The following RAG1 variants were observed in gnomAD, a reference collection of about 807,000 sequenced individuals.
RAG1 encodes V(D)J recombination-activating protein 1.
In RAG1, 35 loss-of-function variants were observed where a neutral mutation model predicts 62.7. The ratio of observed to expected loss-of-function variants is 0.56; its 90% confidence interval spans 0.43 to 0.74. The LOEUF (loss-of-function observed/expected upper bound fraction) is 0.74, where lower values mean the gene tolerates loss of function less well. Among genes scored for constraint, RAG1 ranks in the 30% least tolerant of loss-of-function variants. The probability of loss-of-function intolerance (pLI) is 0.00; values close to 1 mark genes in which losing one functional copy is unlikely to be tolerated. For synonymous variants in RAG1, 461 were observed against 470.3 expected (o/e 0.98, Z 0.26); for missense variants, 1,169 against 1,278.6 (o/e 0.91, Z 1.31).
At chr11:36,558,062 A>C (rs566028428) in intron 3 of RAG1, among the ~76,000 whole-genome samples, 1 of 152,308 alleles carries the variant, frequency 6.6e-6, no homozygotes, top group African/African-American at 2.4e-5. Flanking sequence ...TCTTTCAATA[A>C]CATTTTAAAT....
At chr11:36,542,994 G>A (rs183154897) in intron 3 of RAG1, among the ~76,000 whole-genome samples, 22 of 152,300 alleles carry the variant, frequency 1.4e-4, no homozygotes, top group East Asian at 1.9e-4. Flanking sequence ...TCAAAGGCAG[G>A]AAAAATTAAT....
At chr11:36,570,842 A>T (rs139477887) in intron 1 of RAG1, among the ~76,000 whole-genome samples, 1 of 152,172 alleles carries the variant, frequency 6.6e-6, no homozygotes, top group Non-Finnish European at 1.5e-5. Flanking sequence ...GTCTATTCAG[A>T]TATTTTACCT....
intron 3 of RAG1, among the ~76,000 whole-genome samples, chr11:36,543,936 A>G (rs1312681403): frequency 6.6e-6 from 1 of 152,240 alleles, no homozygotes; most frequent in Non-Finnish European, 1.5e-5. Context: ...ATGTTTTCCA[A>G]TTTAATAGAC....
intron 2 of RAG1, among the ~76,000 whole-genome samples, chr11:36,530,837 T>C (rs1860242383): frequency 6.6e-6 from 1 of 151,984 alleles, no homozygotes; most frequent in Non-Finnish European, 1.5e-5. Context: ...TTGTTGATGG[T>C]GTTGTTGAGT....
intron 3 of RAG1, among the ~76,000 whole-genome samples, chr11:36,547,140 GA>G (rs1850405947): frequency 6.6e-6 from 1 of 152,044 alleles, no homozygotes; most frequent in African/African-American, 2.4e-5. Flanking sequence ...TGTTTAGAGA[GA>G]AATTTATAAC....
At chr11:36,536,102 A>G (rs1356964449), downstream of RAG1, 1 of 152,206 alleles carries the variant, frequency 6.6e-6, no homozygotes, top group Non-Finnish European at 1.5e-5. Flanking sequence ...ATTTGTAGTA[A>G]GAAATATAAA....
intron 3 of RAG1, among the ~76,000 whole-genome samples, chr11:36,560,387 T>C (rs951068528): frequency 6.6e-6 from 1 of 152,132 alleles, no homozygotes; most frequent in African/African-American, 2.4e-5. Flanking sequence ...CAGGGCACTG[T>C]GTGGGCTTAG....
At chr11:36,560,097 T>C (rs1850559972) in intron 3 of RAG1, among the ~76,000 whole-genome samples, 1 of 152,074 alleles carries the variant, frequency 6.6e-6, no homozygotes, top group Non-Finnish European at 1.5e-5. Context: ...GCTGCAGTAG[T>C]GTAGTATCAA....
intron 3 of RAG1, among the ~76,000 whole-genome samples, chr11:36,541,736 G>C (rs555995135): frequency 6.6e-6 from 1 of 152,132 alleles, no homozygotes; most frequent in Non-Finnish European, 1.5e-5. Context: ...ATATAAAAGC[G>C]TGCTAGCCTG....
In RAG1 at chr11:36,579,652, A is replaced by G. The variant is rs190801060; in HGVS notation, c.*3216A>G. On this transcript the variant is annotated 3_prime_UTR_variant, in exon 2 of 2. Transcript: ENST00000299440. ...TGTCAAATGTTTTCAAATAAAATGA[A>G]ATATGAGTTTCAATACTTTTTATAT... 56 of 167,068 alleles carry G rather than the reference A, an allele frequency of 3.4e-4. No homozygotes were observed. The highest frequency in any genetic ancestry group is 1.2e-3 in the African/African-American group (50 of 41,554). 10.3% of individuals were successfully genotyped at this position (167,068 alleles called of 1,614,324 possible). A position where few individuals can be genotyped will look rare whatever the true frequency, so the allele number is the denominator to read the frequency against.
downstream of RAG1, among the ~76,000 whole-genome samples, chr11:36,537,906 A>G (rs1860356796): frequency 6.6e-6 from 1 of 151,988 alleles, no homozygotes; most frequent in Non-Finnish European, 1.5e-5. Flanking sequence ...TTCATTTCTT[A>G]TGCAATCTTA....
rs868493057 is a variant in RAG1, at chr11:36,521,035, C to A, written n.428+806C>A. 6.0e-5 allele frequency among the ~76,000 whole-genome samples: 9 copies of A among 150,224 alleles called. No individual in the cohort carries two copies. The South Asian group carries it at 6.3e-4, about 11-fold the overall frequency. ...AGTGCCATGGCATGATCTTGGCTCA[C>A]TGCAACCTCCGCCTCCTGGGTTCAA... On this transcript the variant is annotated intron_variant and non_coding_transcript_variant, in intron 2 of 2. Transcript: ENST00000529126.
downstream of RAG1, among the ~76,000 whole-genome samples, chr11:36,537,521 T>G (rs1489143733): frequency 2.0e-5 from 3 of 152,206 alleles, no homozygotes; most frequent in Non-Finnish European, 2.9e-5. Context: ...TCAAATAGCA[T>G]AGAAAAGTCA....
chr11:36,529,604 C>T (rs558575108), intron 2 of RAG1, among the ~76,000 whole-genome samples: 5 of 152,258 alleles, frequency 3.3e-5, no homozygotes, highest in South Asian at 4.1e-4. Context: ...TGCCCTCTCT[C>T]GCCACTCCTA....
At chr11:36,514,177 C>A (rs1405500394) in intron 1 of RAG1, among the ~76,000 whole-genome samples, 2 of 152,164 alleles carry the variant, frequency 1.3e-5, no homozygotes, top group African/African-American at 4.8e-5. Context: ...AGTGAGTCAT[C>A]CTGGAAGTGG....
At chr11:36,519,723 G>A (rs1033619102) in intron 1 of RAG1, among the ~76,000 whole-genome samples, 10 of 152,078 alleles carry the variant, frequency 6.6e-5, no homozygotes, top group African/African-American at 2.2e-4. Context: ...TGTTCCATCT[G>A]GCTCTTGGTA....
intron 1 of RAG1, among the ~76,000 whole-genome samples, chr11:36,572,461 C>A (rs4151021): frequency 7.9e-5 from 12 of 152,172 alleles, no homozygotes; most frequent in African/African-American, 2.9e-4. Flanking sequence ...AACTATAGTG[C>A]TAATGACCAT....
intron 2 of RAG1, among the ~76,000 whole-genome samples, chr11:36,533,270 A>G (rs1293488558): frequency 1.3e-5 from 2 of 152,154 alleles, no homozygotes; most frequent in East Asian, 1.9e-4. Context: ...GTACTCGTAA[A>G]TAAGATTCCA....
intron 3 of RAG1, among the ~76,000 whole-genome samples, chr11:36,543,463 C>G (rs1175167425): frequency 1.3e-5 from 2 of 152,172 alleles, no homozygotes; most frequent in African/African-American, 4.8e-5. Context: ...CCAGGCTCTA[C>G]CCGAAAAATC....
Sources: gnomAD v4.1 joint callset for allele counts (sites outside exome capture counted in the v4.1 genomes callset) on GRCh38, gnomAD v4.1.1 for gene constraint, MANE v1.5 for transcripts, NCBI Gene and HGNC (gene_info 2026-07-23, HGNC 2026-07-21) for gene names.